The following DNAH9 variants were observed in gnomAD, a reference collection of about 807,000 sequenced individuals.
The protein encoded by DNAH9 is DNAH9 variant protein.
Under a neutral mutation model 471.6 loss-of-function variants are expected in DNAH9, and 345 were observed. That is an observed-to-expected ratio of 0.73 (90% confidence interval 0.67 to 0.80). The LOEUF (loss-of-function observed/expected upper bound fraction) is 0.80. DNAH9 is among the 30% of genes least tolerant of loss of function. The probability of loss-of-function intolerance (pLI) is 0.00; values close to 1 mark genes in which losing one functional copy is unlikely to be tolerated. For missense variants in DNAH9, 5,407 were observed against 5,609.2 expected (o/e 0.96, Z 1.15); for synonymous variants, 2,093 against 2,123.6 (o/e 0.99, Z 0.40).
chr17:11,846,096 G>A (rs1338414446), intron 49 of DNAH9, among the ~76,000 whole-genome samples: 1 of 149,928 alleles, frequency 6.7e-6, no homozygotes, highest in African/African-American at 2.5e-5. Flanking sequence ...GTCCTGAATG[G>A]TAATGCCTAG....
rs1234646646 is a variant in DNAH9, at chr17:11,694,114, G to A, written c.4745+116G>A. The A allele has an allele frequency of 2.9e-6, 4 of 1,387,972 alleles. No homozygotes were observed. The African/African-American group carries it at 4.3e-5, about 15-fold the overall frequency. 86.0% of individuals were successfully genotyped at this position (1,387,972 alleles called of 1,614,324 possible). A position where few individuals can be genotyped will look rare whatever the true frequency, so the allele number is the denominator to read the frequency against. On this transcript the variant is annotated intron_variant, in intron 21 of 68. Transcript: ENST00000262442. The stretch of plus-strand genomic sequence containing the variant: ...GGGTGCCTTGCATGTCCCTTTCTTT[G>A]CCTGTGTGTTTGGGTAGCATGGGGC...
chr17:11,719,917 G>T (rs1195574661), intron 27 of DNAH9, among the ~76,000 whole-genome samples: 1 of 152,052 alleles, frequency 6.6e-6, no homozygotes, highest in Non-Finnish European at 1.5e-5. Context: ...ACGTATTTGT[G>T]CTCTTCTGTA....
In DNAH9 at chr17:11,937,470, A is replaced by G; in HGVS notation, c.12608A>G (p.Gln4203Arg). The stretch of plus-strand genomic sequence containing the variant: ...CTCTTCCGCACTGTGCTGGAGCTGC[A>G]GCCTCGGGACAGCCAGGCCAGAGAC... ...EKLFRTVLEL[Q>R]PRDSQARDGA... The change falls in exon 66 of 69, where the codon CAG (glutamine) becomes CGG (arginine). Residue 4203 changes from glutamine (Q) to arginine (R), a missense_variant. By Grantham distance (43) the Gln-to-Arg change is conservative. Coordinates refer to ENST00000262442, the MANE Select transcript of DNAH9 (RefSeq NM_001372.4). This position sits in a 1 kb window ranked among gnomAD's most constrained non-coding sequence, Gnocchi z 4.1. The G allele has an allele frequency of 1.2e-6, 2 of 1,613,868 alleles. No homozygotes were observed. Among genetic ancestry groups the G allele is most frequent in the Non-Finnish European group, 1.7e-6 (2 of 1,179,838 alleles).
chr17:11,607,464 T>C (rs574906039), intron 1 of DNAH9, among the ~76,000 whole-genome samples: 116 of 152,322 alleles, frequency 7.6e-4, no homozygotes, highest in African/African-American at 2.7e-3. Context: ...GGGGACGCAA[T>C]TGGCTAGTTT....
intron 50 of DNAH9, among the ~76,000 whole-genome samples, chr17:11,856,969 C>G (rs1007949281): frequency 6.6e-6 from 1 of 152,020 alleles, no homozygotes; most frequent in African/African-American, 2.4e-5. Flanking sequence ...TTGCTTTGGC[C>G]TCCCAAAGAG....
Position 11,739,026 on chromosome 17 carries a change from GTC to G in DNAH9, c.5967_5968del (p.Phe1990GlnfsTer11). Reference sequence around the variant, plus strand: ...GCACAGAGCTGCCAGAGAATCTCAAGTCTCTCTTCAGGTGAGTGTCAGTTCTG... The same window carrying G: ...GCACAGAGCTGCCAGAGAATCTCAAGTCTCTTCAGGTGAGTGTCAGTTCTG... ...GRTELPENLK[S>X]LFRPCAMVVP... On this transcript the variant is annotated frameshift_variant, in exon 29 of 69. Transcript: ENST00000262442. LOFTEE classifies it high-confidence loss of function. 6.2e-7 allele frequency: 1 copy of G among 1,613,796 alleles called. No homozygotes were observed. Among genetic ancestry groups the G allele is most frequent in the Non-Finnish European group, 8.5e-7 (1 of 1,179,740 alleles).
At chr17:11,895,050 G>A (rs914931106) in intron 59 of DNAH9, among the ~76,000 whole-genome samples, 5 of 152,160 alleles carry the variant, frequency 3.3e-5, no homozygotes, top group Non-Finnish European at 7.4e-5. Flanking sequence ...ATTTAACATA[G>A]GAGGAAACAG....
chr17:11,621,207 T>G (rs1025942983), intron 6 of DNAH9, among the ~76,000 whole-genome samples: 5 of 151,540 alleles, frequency 3.3e-5, no homozygotes, highest in Non-Finnish European at 7.4e-5. Context: ...CAGGAGTTCA[T>G]GATCAGCCTG....
rs114143492 is a variant in DNAH9 at position 11,811,596 on chromosome 17, C to T, written c.8707+1227C>T. On this transcript the variant is annotated intron_variant, in intron 45 of 68. Coordinates refer to ENST00000262442, the MANE Select transcript of DNAH9 (RefSeq NM_001372.4). ...AGCTGACTCTTCCTCCTTTCAGTCT[C>T]ATCACTCCAACCTCAGCTGTCCATC... is the stretch of plus-strand genomic sequence containing the variant. Among the ~76,000 whole-genome samples, 976 of 152,270 alleles carry T rather than the reference C, an allele frequency of 6.4e-3. 10 individuals carry two copies. The highest frequency in any genetic ancestry group is 0.022 in the African/African-American group (927 of 41,560).
intron 42 of DNAH9, among the ~76,000 whole-genome samples, chr17:11,796,594 G>A (rs1206530904): frequency 6.6e-6 from 1 of 152,148 alleles, no homozygotes; most frequent in East Asian, 1.9e-4. Context: ...CCTGGGACGT[G>A]TCCCTGCTGA....
Position 11,785,558 on chromosome 17 carries a change from C to T in DNAH9, c.8061+1019C>T, listed in dbSNP as rs1968837601. ...AACCTACTAAACCCTGGTTCAGAGA[C>T]TCAAGAGCTATGGACCAGGAAAGCT... On this transcript the variant is annotated intron_variant, in intron 41 of 68. Transcript: ENST00000262442. Among the ~76,000 whole-genome samples, 3 of 152,116 alleles carry T rather than the reference C, an allele frequency of 2.0e-5. No individual in the cohort carries two copies. The South Asian group carries it at 6.2e-4, about 32-fold the overall frequency.
At chr17:11,780,184 A>G (rs756454558) in intron 38 of DNAH9, among the ~76,000 whole-genome samples, 22 of 152,234 alleles carry the variant, frequency 1.4e-4, no homozygotes, top group Non-Finnish European at 1.8e-4. Flanking sequence ...ACTCCAGAAA[A>G]GAGTTTCTGC....
Position 11,670,847 on chromosome 17 carries a change from G to A in DNAH9, c.3353+1053G>A, listed in dbSNP as rs546644873. On this transcript the variant is annotated intron_variant, in intron 17 of 68. Transcript: ENST00000262442. ...GCATCCTAAGTAGCTGAGATTACAG[G>A]CATGTGCCACCACGCCTGGGTAATT... 2.4e-4 allele frequency among the ~76,000 whole-genome samples: 37 copies of A among 152,192 alleles called. No homozygotes were observed. In the East Asian group the frequency reaches 7.0e-3, roughly 29 times the overall value.
intron 19 of DNAH9, among the ~76,000 whole-genome samples, chr17:11,681,946 G>A (rs1041174598): frequency 6.6e-6 from 1 of 152,140 alleles, no homozygotes; most frequent in African/African-American, 2.4e-5. Context: ...ATAAAATGTA[G>A]ATGATAGTAG....
In DNAH9 at chr17:11,778,347, A is replaced by G. The variant is rs1228294660; in HGVS notation, c.7553-2662A>G. Among the ~76,000 whole-genome samples the G allele has an allele frequency of 5.3e-4, 74 of 139,452 alleles. 1 individual carries two copies. The highest frequency in any genetic ancestry group is 1.9e-3 in the African/African-American group (61 of 32,574). The allele number at this position is 139,452 out of a possible 152,430, so 91.5% of individuals were successfully genotyped here. On this transcript the variant is annotated intron_variant, in intron 38 of 68. Coordinates refer to ENST00000262442, the MANE Select transcript of DNAH9 (RefSeq NM_001372.4). ...TCCATCTCAAAAAAAAAAAAAAAAAAAAAAAAAAAAAAAAAGAAAAGGGAA... is the reference window on the plus strand; with the variant it reads ...TCCATCTCAAAAAAAAAAAAAAAAAGAAAAAAAAAAAAAAAGAAAAGGGAA...
intron 41 of DNAH9, among the ~76,000 whole-genome samples, chr17:11,785,106 G>A (rs73978409): frequency 0.06 from 9,086 of 151,964 alleles, 907 homozygotes; most frequent in African/African-American, 0.2. Context: ...TAGTGATGGC[G>A]TATCTCTGCC....
chr17:11,660,141 T>C (rs547136877), intron 14 of DNAH9, among the ~76,000 whole-genome samples: 1 of 152,218 alleles, frequency 6.6e-6, no homozygotes, highest in Admixed American at 6.5e-5. Context: ...CAAGTTACTT[T>C]AGGGTTAGTT....
In DNAH9 at chr17:11,694,866, TTCC is replaced by T. The variant is rs1362237056; in HGVS notation, c.4872+421_4872+423del. Among the ~76,000 whole-genome samples the T allele has an allele frequency of 0.023, 32 of 1,414 alleles. 15 individuals are homozygous for T. The East Asian group carries it at 0.26, about 11-fold the overall frequency. 0.9% of individuals were successfully genotyped at this position (1,414 alleles called of 152,430 possible). On this transcript the variant is annotated intron_variant, in intron 22 of 68. Coordinates refer to ENST00000262442, the MANE Select transcript of DNAH9 (RefSeq NM_001372.4). ...CTTCCTTCCTTCCTTCCTTCCTTCC[TTCC>T]TTCTTTCTTTCTTTCTTTCTTTCTT... is the stretch of plus-strand genomic sequence containing the variant.
rs1208529587 is a variant in DNAH9 at position 11,930,033 on chromosome 17, C to G, written c.12045C>G (p.Thr4015=). The change falls in exon 63 of 69, where the codon ACC becomes ACG. Residue 4015 remains threonine, a synonymous_variant. Transcript: ENST00000262442. ...TCCTGGAGAACTCCATTAAGATCACCAATGAGCCCCCCACGGGCATGCATG... is the reference window on the plus strand; with the variant it reads ...TCCTGGAGAACTCCATTAAGATCACGAATGAGCCCCCCACGGGCATGCATG... ...QGILENSIKI[T]NEPPTGMHAN... 6.2e-7 allele frequency: 1 copy of G among 1,614,020 alleles called. No homozygotes were observed. Among genetic ancestry groups the G allele is most frequent in the Non-Finnish European group, 8.5e-7 (1 of 1,180,036 alleles).
Sources: allele counts gnomAD v4.1 joint callset (sites outside exome capture counted in the v4.1 genomes callset), GRCh38; gene constraint gnomAD v4.1.1; non-coding constraint Gnocchi (gnomAD v3.1); transcripts MANE v1.5; gene names NCBI Gene and HGNC (gene_info 2026-07-23, HGNC 2026-07-21).